The following LAMA2 variants were observed in gnomAD, a reference collection of about 807,000 sequenced individuals.
LAMA2 encodes the protein laminin subunit alpha-2.
Under a neutral mutation model 364.8 loss-of-function variants are expected in LAMA2, and 269 were observed. That is an observed-to-expected ratio of 0.74 (90% CI 0.67 to 0.82). The LOEUF (loss-of-function observed/expected upper bound fraction) is 0.82. Among genes scored for constraint, LAMA2 ranks in the 40% least tolerant of loss-of-function variants. The pLI is 0.00. For missense variants in LAMA2, 3,807 were observed against 3,873.2 expected (o/e 0.98, Z 0.45); for synonymous variants, 1,379 against 1,370.6 (o/e 1.01, Z -0.14).
At chr6:129,495,366 C>G (rs940166999) in intron 58 of LAMA2, among the ~76,000 whole-genome samples, 2 of 152,146 alleles carry the variant, frequency 1.3e-5, no homozygotes, top group Admixed American at 1.3e-4. Context: ...ACTATCCCCT[C>G]CATGATCAGT....
At chr6:128,956,746 G>A (rs1781171931) in intron 1 of LAMA2, among the ~76,000 whole-genome samples, 1 of 151,502 alleles carries the variant, frequency 6.6e-6, no homozygotes, top group Non-Finnish European at 1.5e-5. Flanking sequence ...TATTTTACTT[G>A]TTATGTCATA....
chr6:129,438,849 A>T, intron 42 of LAMA2, 87 bp downstream of exon 42: 1 of 775,774 alleles, frequency 1.3e-6, no homozygotes, highest in Non-Finnish European at 2.4e-6. Flanking sequence ...TTCTAAGATT[A>T]TTCTGGTACT....
chr6:129,260,227 C>T (rs1787020919), intron 14 of LAMA2, among the ~76,000 whole-genome samples: 1 of 152,116 alleles, frequency 6.6e-6, no homozygotes. Context: ...ATACCAACTA[C>T]AAACAAGCAG....
chr6:128,929,565 A>G (rs1779319399), intron 1 of LAMA2: 1 of 1,047,024 alleles, frequency 9.6e-7, no homozygotes, highest in Non-Finnish European at 1.5e-6. Flanking sequence ...CATAGTCATG[A>G]GACTTGATCC....
At chr6:128,940,599 T>A (rs1405744376) in intron 1 of LAMA2, among the ~76,000 whole-genome samples, 2 of 152,196 alleles carry the variant, frequency 1.3e-5, no homozygotes, top group Non-Finnish European at 2.9e-5. Flanking sequence ...TTGTTTACCT[T>A]CAATGACTGA....
rs1554300251 is a variant in LAMA2 at position 129,456,384 on chromosome 6, G to C, written c.6757G>C (p.Ala2253Pro). 1 of 1,613,622 alleles carries C rather than the reference G, an allele frequency of 6.2e-7. No homozygotes were observed. Among genetic ancestry groups the C allele is most frequent in the Non-Finnish European group, 8.5e-7 (1 of 1,179,690 alleles). ...TGTGAGAGCCCTGGATGGACCCAAA[G>C]CCAGCATTGTGCCCAGCACACACCA... Reference protein sequence around the residue: ...ISVRALDGPKASIVPSTHHST... With the variant: ...ISVRALDGPKPSIVPSTHHST... Residue 2253 changes from alanine to proline, a missense_variant, in exon 48 of 65, where the codon GCC (alanine) becomes CCC (proline). Physicochemically the swap from Ala to Pro is conservative, Grantham distance 27 (BLOSUM62 -1). Coordinates refer to ENST00000421865, the MANE Select transcript of LAMA2 (RefSeq NM_000426.4).
Position 129,076,082 on chromosome 6 carries a change from T to A in LAMA2, c.396+16186T>A, listed in dbSNP as rs572992522. Among the ~76,000 whole-genome samples the A allele has an allele frequency of 6.8e-4, 104 of 152,030 alleles. 1 individual carries two copies. In the South Asian group the frequency reaches 0.021, roughly 30 times the overall value. On this transcript the variant is annotated intron_variant, in intron 3 of 64. Coordinates refer to ENST00000421865, the MANE Select transcript of LAMA2 (RefSeq NM_000426.4). ...GCCTGGGAGACAGAGCAAGACGCTG[T>A]CTCAAAACAAAACAAAAAAATTATT...
intron 40 of LAMA2, among the ~76,000 whole-genome samples, chr6:129,410,714 TTAGATAGATAGATAGATAGA>T (rs36203052): frequency 0.5 from 75,311 of 150,238 alleles, 19,276 homozygotes; most frequent in African/African-American, 0.61. Flanking sequence ...GATAGACAGA[TTAGATAGATAGATAGATAGA>T]TAGATAGATA....
intron 53 of LAMA2, among the ~76,000 whole-genome samples, chr6:129,476,953 T>TTG (rs1243820805): frequency 6.6e-6 from 1 of 152,162 alleles, no homozygotes; most frequent in African/African-American, 2.4e-5. Context: ...AAGGTCTAAT[T>TTG]TGTTTTTCCA....
intron 22 of LAMA2, among the ~76,000 whole-genome samples, chr6:129,301,171 T>A (rs566044655): frequency 2.0e-5 from 3 of 152,178 alleles, no homozygotes; most frequent in African/African-American, 7.2e-5. Context: ...AGGACATACA[T>A]GTGCAAAGTA....
chr6:129,286,303 C>T (rs1404859837), intron 18 of LAMA2, among the ~76,000 whole-genome samples: 2 of 151,496 alleles, frequency 1.3e-5, no homozygotes, highest in Non-Finnish European at 2.9e-5. Context: ...ATTCAGATGC[C>T]CTGTTCTGTT....
intron 4 of LAMA2, among the ~76,000 whole-genome samples, chr6:129,101,031 T>G (rs1775490303): frequency 6.6e-6 from 1 of 152,234 alleles, no homozygotes; most frequent in South Asian, 2.1e-4. Context: ...GTTTTAAAAT[T>G]ATGTACTTTC....
At chr6:129,492,523 C>T in intron 58 of LAMA2, 40 bp downstream of exon 58, 1 of 1,561,196 alleles carries the variant, frequency 6.4e-7, no homozygotes, top group Non-Finnish European at 8.8e-7. Flanking sequence ...CTAATTTTTA[C>T]CCAGTATTCT....
intron 15 of LAMA2, 72 bp from the exon 16 acceptor site, chr6:129,267,034 C>T (rs1787567277): frequency 2.1e-6 from 2 of 954,288 alleles, no homozygotes. Flanking sequence ...TATCAGAAAA[C>T]AAACACAAAC....
At chr6:128,900,339 T>G (rs983143855) in intron 1 of LAMA2, among the ~76,000 whole-genome samples, 23 of 152,160 alleles carry the variant, frequency 1.5e-4, no homozygotes, top group African/African-American at 5.6e-4. Flanking sequence ...AGAAAAGACC[T>G]TTGAGATCAG....
intron 51 of LAMA2, among the ~76,000 whole-genome samples, chr6:129,470,378 A>G (rs1009471169): frequency 1.3e-5 from 2 of 151,934 alleles, no homozygotes; most frequent in African/African-American, 4.8e-5. Flanking sequence ...TTTAGGCAAA[A>G]ATCAGGTCCA....
chr6:129,432,397 C>G (rs1781640122), intron 41 of LAMA2, among the ~76,000 whole-genome samples: 2 of 152,136 alleles, frequency 1.3e-5, no homozygotes, highest in Admixed American at 1.3e-4. Context: ...ATATCCAACC[C>G]CACCATGTGA....
rs141101234 is a variant in LAMA2 at position 129,491,967 on chromosome 6, C to T, written c.7965C>T (p.Ile2655=). ...YMQNLTVEQP[I]EVKKLFVGGA... Reference sequence around the variant, plus strand: ...AAAACCTGACAGTTGAACAGCCTATCGAAGTTAAAAAGCTTTTCGTTGGGG... The same window carrying T: ...AAAACCTGACAGTTGAACAGCCTATTGAAGTTAAAAAGCTTTTCGTTGGGG... The change falls in exon 57 of 65, where the codon ATC becomes ATT. Residue 2655 remains isoleucine (I), a synonymous_variant. Transcript: ENST00000421865. 2 of 1,613,774 alleles carry T rather than the reference C, an allele frequency of 1.2e-6. No homozygotes were observed. The highest frequency in any genetic ancestry group is 3.3e-5 in the Admixed American group (2 of 60,020).
chr6:129,051,513 T>C (rs752557899), intron 2 of LAMA2, among the ~76,000 whole-genome samples: 13 of 144,762 alleles, frequency 9.0e-5, no homozygotes, highest in Non-Finnish European at 1.6e-4. Flanking sequence ...GGTTTTACCA[T>C]GTTGGCCAGG....
Sources: gnomAD v4.1 joint callset for allele counts (sites outside exome capture counted in the v4.1 genomes callset) on GRCh38, gnomAD v4.1.1 for gene constraint, MANE v1.5 for transcripts, NCBI Gene and HGNC (gene_info 2026-07-23, HGNC 2026-07-21) for gene names.